Variants in IPO11 observed in about 807,000 individuals in gnomAD.
IPO11 encodes importin 11.
A neutral mutation model predicts 143.2 loss-of-function variants in IPO11; 66 were observed. The ratio of observed to expected loss-of-function variants is 0.46; its 90% CI spans 0.38 to 0.57. IPO11 has a LOEUF of 0.57. IPO11 is among the 20% of genes least tolerant of loss of function. The pLI is 0.00. For missense variants in IPO11, 1,026 were observed against 1,141.0 expected (o/e 0.90, Z 1.45); for synonymous variants, 385 against 377.8 (o/e 1.02, Z -0.22).
chr5:62,435,196 A>G (rs185637054), intron 1 of IPO11, among the ~76,000 whole-genome samples: 2 of 107,656 alleles, frequency 1.9e-5, no homozygotes, highest in Middle Eastern at 4.5e-3. Context: ...ATATGTATAT[A>G]TATGTATATA....
chr5:62,607,032 A>G (rs145995060), intron 29 of IPO11, among the ~76,000 whole-genome samples: 22 of 152,298 alleles, frequency 1.4e-4, no homozygotes, highest in African/African-American at 4.6e-4. Context: ...CAAATACTGT[A>G]CTGGCTCAAG....
intron 27 of IPO11, among the ~76,000 whole-genome samples, chr5:62,567,837 C>T (rs1233502536): frequency 6.6e-6 from 1 of 151,778 alleles, no homozygotes; most frequent in Non-Finnish European, 1.5e-5. Context: ...GCTGGGATTA[C>T]AGGCGTGAGC....
At chr5:62,551,801 G>A (rs1743396947) in intron 26 of IPO11, among the ~76,000 whole-genome samples, 1 of 152,160 alleles carries the variant, frequency 6.6e-6, no homozygotes, top group Admixed American at 6.6e-5. Context: ...ACCAGAGTAA[G>A]TTTGGAATAG....
chr5:62,454,488 ACT>A (rs1190721514), intron 5 of IPO11, among the ~76,000 whole-genome samples: 1 of 152,144 alleles, frequency 6.6e-6, no homozygotes, highest in African/African-American at 2.4e-5. Flanking sequence ...ATCAAAGTTC[ACT>A]CTCTAATATG....
intron 27 of IPO11, among the ~76,000 whole-genome samples, chr5:62,561,606 T>C (rs566836702): frequency 1.3e-5 from 2 of 152,328 alleles, no homozygotes; most frequent in Non-Finnish European, 2.9e-5. Flanking sequence ...TCAAAGTCAA[T>C]AGCACTTCAT....
At chr5:62,423,226 ATTG>A (rs1269923767) in intron 1 of IPO11, among the ~76,000 whole-genome samples, 1 of 152,044 alleles carries the variant, frequency 6.6e-6, no homozygotes, top group Non-Finnish European at 1.5e-5. Context: ...TGTATTCCAT[ATTG>A]TTGTTCTTGG....
chr5:62,532,814 A>G (rs1196637046), intron 22 of IPO11, among the ~76,000 whole-genome samples: 1 of 152,214 alleles, frequency 6.6e-6, no homozygotes, highest in African/African-American at 2.4e-5. Context: ...CACTATTAAC[A>G]TTACTCCCAT....
At chr5:62,585,062 A>G (rs1318800599) in intron 27 of IPO11, among the ~76,000 whole-genome samples, 1 of 152,110 alleles carries the variant, frequency 6.6e-6, no homozygotes, top group African/African-American at 2.4e-5. Context: ...TTTGGTCTCC[A>G]TTTCTTCCAT....
intron 21 of IPO11, among the ~76,000 whole-genome samples, chr5:62,529,341 G>A (rs32182): frequency 0.81 from 123,620 of 152,006 alleles, 50,991 homozygotes; most frequent in African/African-American, 0.95. Context: ...GCTTTTTGCT[G>A]TTTACTCAAA....
chr5:62,601,698 G>A, intron 28 of IPO11, 66 bp from the exon 29 acceptor site: 1 of 729,514 alleles, frequency 1.4e-6, no homozygotes, highest in Non-Finnish European at 2.1e-6. Context: ...GTGATTTTAA[G>A]GACTTATTTT....
chr5:62,580,353 TAA>T, intron 27 of IPO11: 1 of 1,544,782 alleles, frequency 6.5e-7, no homozygotes, highest in Non-Finnish European at 8.8e-7. Context: ...TAATTTACCT[TAA>T]GTTAGATAGA....
At chr5:62,442,889 AAAAC>A (rs1254877135) in intron 2 of IPO11, 90 bp from the exon 3 acceptor site, 7 of 723,802 alleles carry the variant, frequency 9.7e-6, no homozygotes, top group East Asian at 3.1e-5. Flanking sequence ...AAAACAAAAC[AAAAC>A]AAAGATCTGT....
At chr5:62,459,736 G>A (rs138556365) in intron 5 of IPO11, among the ~76,000 whole-genome samples, 8 of 152,156 alleles carry the variant, frequency 5.3e-5, no homozygotes, top group African/African-American at 1.7e-4. Context: ...TTTTAGTAGA[G>A]GCAGGGGTTT....
rs1201089419 is a variant in IPO11 at position 62,627,510 on chromosome 5, A to G, written c.*192A>G. On this transcript the variant is annotated 3_prime_UTR_variant, in exon 30 of 30. Coordinates refer to ENST00000325324, the MANE Select transcript of IPO11 (RefSeq NM_016338.5). ...ACTAAAATCACAAACCTATTCCTCA[A>G]AAGAATTTAATTTTATATTTATGAG... 2 of 465,748 alleles carry G rather than the reference A, an allele frequency of 4.3e-6. No individual in the cohort carries two copies. Among genetic ancestry groups the G allele is most frequent in the Non-Finnish European group, 7.3e-6 (2 of 274,022 alleles). 28.9% of individuals were successfully genotyped at this position (465,748 alleles called of 1,614,324 possible). A position where few individuals can be genotyped will look rare whatever the true frequency, so the allele number is the denominator to read the frequency against.
intron 23 of IPO11, among the ~76,000 whole-genome samples, 195 bp from the exon 24 acceptor site, chr5:62,537,014 G>T (rs937131076): frequency 2.6e-5 from 4 of 151,982 alleles, no homozygotes; most frequent in African/African-American, 7.2e-5. Flanking sequence ...ATGAAAATCA[G>T]TGTATCAATA....
chr5:62,597,985 G>A (rs1288651613), intron 28 of IPO11, among the ~76,000 whole-genome samples: 4 of 152,060 alleles, frequency 2.6e-5, no homozygotes, highest in South Asian at 2.1e-4. Context: ...ATTCCTCATC[G>A]ATAAAAAGTA....
At chr5:62,497,815 A>G (rs958566702) in intron 16 of IPO11, among the ~76,000 whole-genome samples, 6 of 152,116 alleles carry the variant, frequency 3.9e-5, no homozygotes, top group Non-Finnish European at 8.8e-5. Flanking sequence ...CCTCGAATTT[A>G]TTTTTGAGTG....
At chr5:62,480,455 G>T (rs535082192) in intron 9 of IPO11, among the ~76,000 whole-genome samples, 1 of 152,096 alleles carries the variant, frequency 6.6e-6, no homozygotes, top group Non-Finnish European at 1.5e-5. Flanking sequence ...CTTTAAAGTA[G>T]TTTTTTTCCA....
At chr5:62,461,246 G>T (rs528154819) in intron 5 of IPO11, among the ~76,000 whole-genome samples, 1 of 152,138 alleles carries the variant, frequency 6.6e-6, no homozygotes, top group South Asian at 2.1e-4. Flanking sequence ...GGGGATGGGG[G>T]GTTGAGAGGA....
Sources: gnomAD v4.1 joint callset for allele counts (sites outside exome capture counted in the v4.1 genomes callset) on GRCh38, gnomAD v4.1.1 for gene constraint, MANE v1.5 for transcripts, NCBI Gene and HGNC (gene_info 2026-07-23, HGNC 2026-07-21) for gene names.